MYO5A: variants seen among roughly 807,000 people sequenced by gnomAD.
The protein encoded by MYO5A is unconventional myosin-Va.
A neutral mutation model predicts 249.7 loss-of-function variants in MYO5A; 98 were observed. The ratio of observed to expected loss-of-function variants is 0.39; its 90% confidence interval spans 0.33 to 0.46. MYO5A has a LOEUF of 0.46. MYO5A is among the 20% of genes least tolerant of loss of function. The pLI is 0.98. For synonymous variants in MYO5A, 778 were observed against 810.6 expected, an observed-to-expected ratio of 0.96 and a Z score of 0.68; for missense variants, 1,696 against 2,308.8, an observed-to-expected ratio of 0.73 and a Z score of 5.44.
At chr15:52,415,165 C>T (rs948953858) in intron 5 of MYO5A, among the ~76,000 whole-genome samples, 3 of 151,920 alleles carry the variant, frequency 2.0e-5, no homozygotes, top group Non-Finnish European at 4.4e-5. Context: ...TGCACCAGGC[C>T]GATTTTAACT....
intron 1 of MYO5A, among the ~76,000 whole-genome samples, chr15:52,489,567 A>T (rs2693463): frequency 0.12 from 18,291 of 151,970 alleles, 1,321 homozygotes; most frequent in South Asian, 0.17. Context: ...TGTCTAAAAA[A>T]AAAAAAAAAA....
At chr15:52,343,783 T>C (rs2039488138) in intron 30 of MYO5A, among the ~76,000 whole-genome samples, 1 of 152,230 alleles carries the variant, frequency 6.6e-6, no homozygotes, top group African/African-American at 2.4e-5. Flanking sequence ...TGTCAAAAAT[T>C]AATTGTATGC....
intron 14 of MYO5A, 25 bp downstream of exon 14, chr15:52,387,804 T>A: frequency 6.7e-7 from 1 of 1,495,246 alleles, no homozygotes; most frequent in South Asian, 1.1e-5. Flanking sequence ...ACATCCTGGA[T>A]TAGAGTAAGC....
chr15:52,410,386 T>C lies in MYO5A; in HGVS notation c.703A>G (p.Ile235Val). The change falls in exon 6 of 42, where the codon ATT becomes GTT. Residue 235 changes from isoleucine (I) to valine (V), a missense_variant. This residue lies in a region of MYO5A where 197 missense variants were observed against 320.3 expected (regional missense o/e 0.62). Transcript: ENST00000399233. ...EIGFDKRYRIIGANMRTYLLE... is the reference protein window; with the variant it reads ...EIGFDKRYRIVGANMRTYLLE... ...AGATAAGTTCTCATATTGGCACCAA[T>C]GATTCGATATCTCTTATCAAAACCA... 1.9e-6 allele frequency: 3 copies of C among 1,613,802 alleles called. No individual in the cohort carries two copies. Among genetic ancestry groups the C allele is most frequent in the East Asian group, 4.5e-5 (2 of 44,864 alleles).
intron 1 of MYO5A, among the ~76,000 whole-genome samples, chr15:52,472,554 C>T (rs1046611422): frequency 2.6e-5 from 4 of 152,136 alleles, no homozygotes; most frequent in African/African-American, 4.8e-5. Context: ...ATCCCCCCAC[C>T]GCACAACAGG....
chr15:52,499,312 A>G (rs1393073296), intron 1 of MYO5A, among the ~76,000 whole-genome samples: 1 of 152,136 alleles, frequency 6.6e-6, no homozygotes, highest in Non-Finnish European at 1.5e-5. Context: ...TTCTTTTTTT[A>G]TTATTATTTT....
At chr15:52,438,414 A>G (rs1291999377) in intron 1 of MYO5A, among the ~76,000 whole-genome samples, 1 of 152,186 alleles carries the variant, frequency 6.6e-6, no homozygotes, top group Non-Finnish European at 1.5e-5. Context: ...GGTGAAAAAG[A>G]AGCAGTTAGA....
At chr15:52,519,626 A>T (rs1263197733) in intron 1 of MYO5A, among the ~76,000 whole-genome samples, 1 of 151,274 alleles carries the variant, frequency 6.6e-6, no homozygotes, top group East Asian at 1.9e-4. Flanking sequence ...AAATAATAAT[A>T]ATAATAATAA....
chr15:52,450,158 T>A (rs770275360), intron 1 of MYO5A, among the ~76,000 whole-genome samples: 6 of 151,760 alleles, frequency 4.0e-5, no homozygotes, highest in Non-Finnish European at 7.4e-5. Context: ...ATCTCAAAAA[T>A]AATAATAATA....
chr15:52,393,805 G>A (rs2141174000), intron 11 of MYO5A, among the ~76,000 whole-genome samples: 1 of 152,274 alleles, frequency 6.6e-6, no homozygotes, highest in South Asian at 2.1e-4. Flanking sequence ...CTGTTCTTTT[G>A]ATTAATGAGA....
chr15:52,445,530 GA>G (rs1335875985), intron 1 of MYO5A, among the ~76,000 whole-genome samples: 4 of 152,192 alleles, frequency 2.6e-5, no homozygotes, highest in Non-Finnish European at 5.9e-5. Context: ...TGAAAATGTA[GA>G]AGCAACTTTG....
intron 37 of MYO5A, among the ~76,000 whole-genome samples, chr15:52,321,875 A>C (rs2038340906): frequency 6.6e-6 from 1 of 151,822 alleles, no homozygotes; most frequent in Non-Finnish European, 1.5e-5. Context: ...TATCTAAATT[A>C]TCTCTTAACT....
intron 24 of MYO5A, among the ~76,000 whole-genome samples, chr15:52,363,663 G>T (rs1386220573): frequency 6.6e-6 from 1 of 152,154 alleles, no homozygotes; most frequent in East Asian, 1.9e-4. Context: ...GATATTTCAG[G>T]GCATTTCTGG....
chr15:52,501,436 C>CA (rs1486031653), intron 1 of MYO5A, among the ~76,000 whole-genome samples: 5 of 151,726 alleles, frequency 3.3e-5, no homozygotes, highest in Admixed American at 6.6e-5. Context: ...CCCGTTTCTA[C>CA]AAAAAAATAC....
chr15:52,391,850 A>T, intron 12 of MYO5A, 80 bp downstream of exon 12: 1 of 1,428,900 alleles, frequency 7.0e-7, no homozygotes, highest in Non-Finnish European at 9.8e-7. Flanking sequence ...ATACTAATGA[A>T]TCTCTCCTTG....
intron 1 of MYO5A, among the ~76,000 whole-genome samples, chr15:52,450,998 AT>A (rs60982987): frequency 1 from 151,727 of 151,780 alleles, 75,837 homozygotes; most frequent in Middle Eastern, 1. Context: ...TTAAATGCCA[AT>A]TTTTTCCCAA....
intron 9 of MYO5A, among the ~76,000 whole-genome samples, chr15:52,402,167 A>G (rs554493648): frequency 6.6e-6 from 1 of 152,228 alleles, no homozygotes; most frequent in African/African-American, 2.4e-5. Context: ...GATCAATTTA[A>G]GCTATATTTT....
chr15:52,371,594 A>G (rs2041117839), intron 21 of MYO5A, among the ~76,000 whole-genome samples: 2 of 152,306 alleles, frequency 1.3e-5, no homozygotes, highest in Non-Finnish European at 2.9e-5. Context: ...TCTGTTCTCA[A>G]AAATAATTTC....
Position 52,387,831 on chromosome 15 carries a change from T to G in MYO5A, c.1750A>C (p.Lys584Gln), listed in dbSNP as rs756131433. Reference sequence around the variant, plus strand: ...AGAGTAAGCCTATCCATAGTTACCTTGCTTGATTTAAGAACTTTAATTTGT... The same window carrying G: ...AGAGTAAGCCTATCCATAGTTACCTGGCTTGATTTAAGAACTTTAATTTGT... Reference protein sequence around the residue: ...EEQIKVLKSSKFKMLPELFQD... With the variant: ...EEQIKVLKSSQFKMLPELFQD... Residue 584 changes from lysine to glutamine, a missense_variant and splice_region_variant, in exon 14 of 42, where the codon AAG (lysine) becomes CAG (glutamine). Lys to Gln is a moderately conservative substitution (Grantham distance 53). This residue lies in a region of MYO5A where 277 missense variants were observed against 422.4 expected (regional missense o/e 0.66). Coordinates refer to ENST00000399233, the MANE Select transcript of MYO5A (RefSeq NM_001382347.1). The G allele has an allele frequency of 6.3e-7, 1 of 1,596,054 alleles. No individual in the cohort carries two copies. Among genetic ancestry groups the G allele is most frequent in the South Asian group, 1.1e-5 (1 of 90,726 alleles).
Sources: gnomAD v4.1 joint callset for allele counts (sites outside exome capture counted in the v4.1 genomes callset) on GRCh38, gnomAD v4.1.1 for gene constraint, gnomAD v4.1.1 regional missense constraint, MANE v1.5 for transcripts, NCBI Gene and HGNC (gene_info 2026-07-23, HGNC 2026-07-21) for gene names.